The following AKR1C3 variants were observed in gnomAD, a reference collection of about 807,000 sequenced individuals.
AKR1C3 encodes the protein aldo-keto reductase family 1 member C3, also known as 3-alpha hydroxysteroid dehydrogenase, type II.
In AKR1C3, 48 loss-of-function variants were observed where a neutral mutation model predicts 43.6. The ratio of observed to expected loss-of-function variants is 1.10; its 90% CI spans 0.87 to 1.40. The LOEUF is 1.40. Among genes scored for constraint, AKR1C3 ranks in the 40% most tolerant of loss-of-function variants. AKR1C3 has a pLI of 0.00. For missense variants in AKR1C3, 482 were observed against 391.2 expected, an observed-to-expected ratio of 1.23 and a Z score of -1.96; for synonymous variants, 162 against 139.6, an observed-to-expected ratio of 1.16 and a Z score of -1.13.
chr10:5,103,608 A>G (rs376633158), intron 7 of AKR1C3, among the ~76,000 whole-genome samples: 97 of 152,170 alleles, frequency 6.4e-4, no homozygotes, highest in African/African-American at 2.3e-3. Flanking sequence ...TCTGGGTGCC[A>G]TTTTCTCCTC....
chr10:5,102,443 T>C (rs4347280), intron 6 of AKR1C3, 42 bp from the exon 7 acceptor site: 297,782 of 1,309,350 alleles, frequency 0.23, 38,605 homozygotes, highest in Middle Eastern at 0.36. Flanking sequence ...TAACAAACTA[T>C]CGCCAGCCTC....
At chr10:5,067,537 C>G (rs138258472) in intron 1 of AKR1C3, among the ~76,000 whole-genome samples, 1,682 of 152,246 alleles carry the variant, frequency 0.011, 11 homozygotes, top group Middle Eastern at 0.034. Flanking sequence ...CTTTTTTTAC[C>G]TGGTGAAAAT....
chr10:5,099,311 A>G lies in AKR1C3; in HGVS notation c.448-16A>G. On this transcript the variant is annotated splice_polypyrimidine_tract_variant and intron_variant, in intron 4 of 8. Coordinates refer to ENST00000380554, the MANE Select transcript of AKR1C3 (RefSeq NM_003739.6). The stretch of plus-strand genomic sequence containing the variant: ...CCAACTGCACAAATAATTCCTCACA[A>G]CCCCTTTCTCCACAGGCCATGGAGA... 1 of 1,613,912 alleles carries G rather than the reference A, an allele frequency of 6.2e-7. No individual in the cohort carries two copies. Among genetic ancestry groups the G allele is most frequent in the Non-Finnish European group, 8.5e-7 (1 of 1,179,962 alleles).
At chr10:5,065,727 C>T (rs114412387) in intron 1 of AKR1C3, among the ~76,000 whole-genome samples, 36 of 152,230 alleles carry the variant, frequency 2.4e-4, no homozygotes, top group African/African-American at 7.9e-4. Context: ...AGTAAGGTTA[C>T]GAAGTCACTT....
chr10:5,081,246 G>T (rs1554782318), intron 1 of AKR1C3, among the ~76,000 whole-genome samples: 1 of 151,056 alleles, frequency 6.6e-6, no homozygotes, highest in Non-Finnish European at 1.5e-5. Context: ...GGGCATAGCT[G>T]GTTAATGTTT....
intron 1 of AKR1C3, among the ~76,000 whole-genome samples, chr10:5,067,390 A>C (rs563471645): frequency 6.6e-6 from 1 of 152,294 alleles, no homozygotes. Context: ...GGCTCCAATG[A>C]GTGTACAATT....
intron 1 of AKR1C3, among the ~76,000 whole-genome samples, chr10:5,063,098 A>G (rs1182167617): frequency 1.3e-5 from 2 of 152,206 alleles, no homozygotes; most frequent in African/African-American, 4.8e-5. Flanking sequence ...ATAGGTGGCA[A>G]AATATGAAAA....
intron 1 of AKR1C3, chr10:5,081,631 A>C (rs1225973935): frequency 6.6e-6 from 1 of 152,178 alleles, no homozygotes; most frequent in African/African-American, 2.4e-5. Context: ...CCAACCAACT[A>C]AGCAAAATCC....
intron 3 of AKR1C3, chr10:5,098,008 G>A (rs1839253439): frequency 9.9e-7 from 1 of 1,007,230 alleles, no homozygotes; most frequent in Non-Finnish European, 1.2e-6. Flanking sequence ...CCCTTAATGT[G>A]GACTTGCAAA....
In AKR1C3 at chr10:5,099,380, C is replaced by A. The variant is rs782171165; in HGVS notation, c.501C>A (p.Asn167Lys). 6.2e-7 allele frequency: 1 copy of A among 1,614,050 alleles called. No homozygotes were observed. The highest frequency in any genetic ancestry group is 1.3e-5 in the African/African-American group (1 of 74,914). The part of the protein sequence containing the change: ...AGLAKSIGVS[N>K]FNRRQLEMIL... ...TGGCCAAGTCCATTGGGGTGTCAAA[C>A]TTCAACCGCAGGCAGCTGGAGATGA... Residue 167 changes from asparagine to lysine, a missense_variant, in exon 5 of 9, where the codon AAC becomes AAA. Coordinates refer to ENST00000380554, the MANE Select transcript of AKR1C3 (RefSeq NM_003739.6).
intron 1 of AKR1C3, among the ~76,000 whole-genome samples, chr10:5,077,096 T>C (rs929629866): frequency 6.6e-5 from 10 of 152,140 alleles, no homozygotes; most frequent in African/African-American, 2.4e-4. Context: ...ATAATCTTTT[T>C]TTTTCACTAA....
chr10:5,072,732 T>C (rs1311843601), intron 1 of AKR1C3, among the ~76,000 whole-genome samples: 3 of 152,150 alleles, frequency 2.0e-5, no homozygotes, highest in African/African-American at 7.2e-5. Context: ...ACCAGGTGAA[T>C]TTAGGATGGA....
intron 1 of AKR1C3, among the ~76,000 whole-genome samples, chr10:5,071,633 C>T (rs1838614017): frequency 6.6e-6 from 1 of 152,178 alleles, no homozygotes; most frequent in Non-Finnish European, 1.5e-5. Flanking sequence ...AAGGCTACAT[C>T]AATAGATAAC....
At chr10:5,052,297 G>T (rs1300570806) in intron 1 of AKR1C3, among the ~76,000 whole-genome samples, 1 of 152,190 alleles carries the variant, frequency 6.6e-6, no homozygotes, top group Non-Finnish European at 1.5e-5. Flanking sequence ...TAAAGGCAGT[G>T]TGGACCCAAA....
intron 1 of AKR1C3, among the ~76,000 whole-genome samples, chr10:5,058,777 C>T (rs781877753): frequency 3.9e-5 from 6 of 152,152 alleles, no homozygotes; most frequent in Non-Finnish European, 7.3e-5. Context: ...TTTAGTGGCT[C>T]TTATCGACAC....
chr10:5,055,437 T>C (rs1273164572), intron 1 of AKR1C3, among the ~76,000 whole-genome samples: 1 of 152,234 alleles, frequency 6.6e-6, no homozygotes. Flanking sequence ...CTGACAGCCA[T>C]AAACTTCCTT....
intron 1 of AKR1C3, among the ~76,000 whole-genome samples, chr10:5,078,222 G>A (rs573362835): frequency 9.9e-5 from 15 of 152,256 alleles, no homozygotes; most frequent in South Asian, 8.3e-4. Context: ...TTGGGAGTTC[G>A]AGACCAGCCT....
intron 1 of AKR1C3, among the ~76,000 whole-genome samples, chr10:5,054,856 C>A (rs1162907665): frequency 6.6e-6 from 1 of 152,154 alleles, no homozygotes; most frequent in Non-Finnish European, 1.5e-5. Flanking sequence ...TGCTGCTGTT[C>A]TCCCCTCTTC....
intron 8 of AKR1C3, 68 bp from the exon 9 acceptor site, chr10:5,107,393 G>A: frequency 8.7e-7 from 1 of 1,151,890 alleles, no homozygotes; most frequent in Non-Finnish European, 1.3e-6. Flanking sequence ...CAGCTTCATT[G>A]AAATCACTTT....
Sources: allele counts gnomAD v4.1 joint callset (sites outside exome capture counted in the v4.1 genomes callset), GRCh38; gene constraint gnomAD v4.1.1; transcripts MANE v1.5; gene names NCBI Gene and HGNC (gene_info 2026-07-23, HGNC 2026-07-21).